SYNE1: variants seen among roughly 807,000 people sequenced by gnomAD.
SYNE1 encodes spectrin repeat containing nuclear envelope protein 1.
SYNE1 carries 616 observed loss-of-function variants against 1,111.0 expected under a neutral mutation model. The observed-to-expected ratio is 0.55, with a 90% CI of 0.52 to 0.59. SYNE1 has a LOEUF of 0.59. Among genes scored for constraint, SYNE1 ranks in the 20% least tolerant of loss-of-function variants. The pLI is 0.00. For synonymous variants in SYNE1, 3,855 were observed against 3,825.8 expected, an observed-to-expected ratio of 1.01 and a Z score of -0.28; for missense variants, 10,006 against 10,417.0, an observed-to-expected ratio of 0.96 and a Z score of 1.72.
Position 152,505,184 on chromosome 6 carries a change from A to T in SYNE1, c.778+17T>A. The T allele has an allele frequency of 2.5e-6, 4 of 1,613,822 alleles. No homozygotes were observed. The highest frequency in any genetic ancestry group is 3.4e-6 in the Non-Finnish European group (4 of 1,179,762). On this transcript the variant is annotated intron_variant, in intron 9 of 145. Coordinates refer to ENST00000367255, the MANE Select transcript of SYNE1 (RefSeq NM_182961.4). ...TCCGTGTTAAGGTATATAACAGTCA[A>T]TGAATATTCAGCCTACCTTCAGGAT... is the stretch of plus-strand genomic sequence containing the variant.
At chr6:152,273,502 G>A (rs748206804) in intron 98 of SYNE1, among the ~76,000 whole-genome samples, 9 of 152,022 alleles carry the variant, frequency 5.9e-5, no homozygotes, top group Non-Finnish European at 1.0e-4. Flanking sequence ...AAACTGATCC[G>A]TAAGAAAGTT....
chr6:152,441,991 G>A, intron 31 of SYNE1, 84 bp downstream of exon 31: 1 of 1,514,240 alleles, frequency 6.6e-7, no homozygotes, highest in Non-Finnish European at 9.2e-7. Flanking sequence ...CGGTAACAAA[G>A]GTTCGCCTTG....
chr6:152,529,246 T>A (rs1416168227), intron 4 of SYNE1, among the ~76,000 whole-genome samples: 1 of 152,268 alleles, frequency 6.6e-6, no homozygotes, highest in Non-Finnish European at 1.5e-5. Context: ...ATTTATATAT[T>A]GTATGTAGTC....
chr6:152,162,335 C>G (rs1381014544), intron 131 of SYNE1, among the ~76,000 whole-genome samples: 1 of 152,218 alleles, frequency 6.6e-6, no homozygotes, highest in Non-Finnish European at 1.5e-5. Context: ...TCTGTCATCT[C>G]TACCATTTTC....
chr6:152,456,570 G>C (rs367804727), intron 22 of SYNE1: 1 of 250,258 alleles, frequency 4.0e-6, no homozygotes, highest in East Asian at 1.1e-4. Context: ...TGAAATGGTA[G>C]GGTTCAGATC....
At chr6:152,461,279 T>G (rs2098732562) in intron 21 of SYNE1, among the ~76,000 whole-genome samples, 1 of 152,100 alleles carries the variant, frequency 6.6e-6, no homozygotes, top group Admixed American at 6.6e-5. Flanking sequence ...CTCTTCTTCC[T>G]CCTCCTCATC....
chr6:152,195,412 C>T (rs997314150), intron 127 of SYNE1, among the ~76,000 whole-genome samples: 5 of 152,140 alleles, frequency 3.3e-5, no homozygotes, highest in African/African-American at 1.2e-4. Context: ...GTAGTCGGGA[C>T]TTGTTTGTAT....
At chr6:152,275,995 T>C (rs1007950486) in intron 98 of SYNE1, among the ~76,000 whole-genome samples, 1 of 151,770 alleles carries the variant, frequency 6.6e-6, no homozygotes, top group Non-Finnish European at 1.5e-5. Flanking sequence ...TCTAACTTGT[T>C]TTTTGTCTAT....
intron 95 of SYNE1, among the ~76,000 whole-genome samples, chr6:152,287,147 C>T (rs966716107): frequency 6.6e-6 from 1 of 152,118 alleles, no homozygotes; most frequent in Admixed American, 6.5e-5. Flanking sequence ...TTAAAAAGAT[C>T]ATTCACCATA....
At chr6:152,376,165 C>T in intron 58 of SYNE1, 1 of 551,556 alleles carries the variant, frequency 1.8e-6, no homozygotes, top group Non-Finnish European at 3.3e-6. Flanking sequence ...GGTTCAGGCT[C>T]CTATGAGAAT....
chr6:152,471,396 A>G (rs1353917595), intron 16 of SYNE1, among the ~76,000 whole-genome samples: 1 of 152,206 alleles, frequency 6.6e-6, no homozygotes, highest in Non-Finnish European at 1.5e-5. Flanking sequence ...GAACTAGGGG[A>G]TTTTAAATAA....
intron 127 of SYNE1, among the ~76,000 whole-genome samples, chr6:152,195,395 T>C (rs1199363357): frequency 2.6e-5 from 4 of 152,206 alleles, no homozygotes; most frequent in African/African-American, 9.7e-5. Context: ...AGGTATTTAT[T>C]GTAGTTGTAG....
chr6:152,269,539 T>C (rs1290899231), intron 98 of SYNE1, among the ~76,000 whole-genome samples: 3 of 152,200 alleles, frequency 2.0e-5, no homozygotes, highest in African/African-American at 7.2e-5. Context: ...TAGAGGTTAG[T>C]CTTTTAGCTG....
At chr6:152,279,965 A>G (rs1353559273) in intron 97 of SYNE1, among the ~76,000 whole-genome samples, 1 of 152,104 alleles carries the variant, frequency 6.6e-6, no homozygotes, top group Admixed American at 6.5e-5. Context: ...AAAAGAAAAA[A>G]ACTGAATATA....
At chr6:152,145,301 A>G (rs1278959847) in intron 137 of SYNE1, 9 of 664,490 alleles carry the variant, frequency 1.4e-5, no homozygotes, top group Non-Finnish European at 2.2e-5. Flanking sequence ...ATTTCGCTCA[A>G]TTAGTGAAAT....
rs1342297491 is a variant in SYNE1 at position 152,215,074 on chromosome 6, T to C, written c.22192-14A>G. The stretch of plus-strand genomic sequence containing the variant: ...TAACATCTGTCCCTAGAAGGAAGAT[T>C]TAAAAGTAGGTTTAGCACCATGGTC... On this transcript the variant is annotated splice_polypyrimidine_tract_variant and intron_variant, in intron 121 of 145. Transcript: ENST00000367255. 2.4e-5 allele frequency: 38 copies of C among 1,613,822 alleles called. No homozygotes were observed. The highest frequency in any genetic ancestry group is 3.2e-5 in the Non-Finnish European group (38 of 1,179,950).
Position 152,331,854 on chromosome 6 carries a change from AG to A in SYNE1, c.12830del (p.Ala4277ValfsTer2), listed in dbSNP as rs2096253842. ...GCAATGCCAATGCTAACTTTTTCAAAGCTTCCAGGTGGACAGCTGTACTCTC... is the reference window on the plus strand; with the variant it reads ...GCAATGCCAATGCTAACTTTTTCAAACTTCCAGGTGGACAGCTGTACTCTC... ...DAESTAVHLE[A>X]LKKLALALQE... is the part of the protein sequence containing the mutation. On this transcript the variant is annotated frameshift_variant, in exon 78 of 146. Transcript: ENST00000367255. LOFTEE classifies it high-confidence loss of function. 8 of 1,613,520 alleles carry A rather than the reference AG, an allele frequency of 5.0e-6. No individual in the cohort carries two copies. The highest frequency in any genetic ancestry group is 6.8e-6 in the Non-Finnish European group (8 of 1,180,034).
intron 3 of SYNE1, among the ~76,000 whole-genome samples, chr6:152,556,544 C>G (rs1401056131): frequency 2.0e-5 from 3 of 152,190 alleles, no homozygotes; most frequent in Non-Finnish European, 1.5e-5. Context: ...GCCCACCCCA[C>G]TGCCTGACTG....
At chr6:152,136,948 C>G in intron 140 of SYNE1, 130 bp from the exon 141 acceptor site, 2 of 933,800 alleles carry the variant, frequency 2.1e-6, no homozygotes, top group Non-Finnish European at 3.4e-6. Flanking sequence ...AGGTAAAAGA[C>G]AGAGGGTGCG....
Sources: gnomAD v4.1 joint callset for allele counts (sites outside exome capture counted in the v4.1 genomes callset) on GRCh38, gnomAD v4.1.1 for gene constraint, MANE v1.5 for transcripts, NCBI Gene and HGNC (gene_info 2026-07-23, HGNC 2026-07-21) for gene names.